Variants in RTN2 observed in about 807,000 individuals in gnomAD.
RTN2 encodes the protein reticulon 2.
In RTN2, 36 loss-of-function variants were observed where a neutral mutation model predicts 63.7. The ratio of observed to expected loss-of-function variants is 0.56; its 90% CI spans 0.43 to 0.75. The LOEUF is 0.75. Ranked by LOEUF, RTN2 falls within the 30% of genes least tolerant of loss-of-function variation. The pLI is 0.00. For synonymous variants in RTN2, 312 were observed against 313.0 expected, an observed-to-expected ratio of 1.00 and a Z score of 0.03; for missense variants, 673 against 705.1, an observed-to-expected ratio of 0.95 and a Z score of 0.52.
chr19:45,493,010 C>G, intron 5 of RTN2, 150 bp downstream of exon 5: 2 of 832,802 alleles, frequency 2.4e-6, no homozygotes, highest in Non-Finnish European at 4.0e-6. Flanking sequence ...TGGGTCCTCC[C>G]TATACTGCCC....
At chr19:45,485,919 C>T (rs990242961) in intron 10 of RTN2, 130 bp from the exon 11 acceptor site, 37 of 1,140,592 alleles carry the variant, frequency 3.2e-5, no homozygotes, top group Middle Eastern at 2.0e-4. Context: ...CACCTAGTGG[C>T]CTACATTGGA....
rs375955561 is a variant in RTN2, at chr19:45,493,265, G to A, written c.928C>T (p.Pro310Ser). ...WTAIGWVQRG[P>S]TPPTPVLRVL... is the part of the protein sequence containing the mutation. ...CGGAGGACAGGAGTAGGGGGGGTGG[G>A]GCCCCTTTGGACCCAGCCAATGGCT... is the stretch of plus-strand genomic sequence containing the variant. The change falls in exon 5 of 11, where the codon CCC (proline) becomes TCC (serine). Residue 310 changes from proline (P) to serine (S), a missense_variant. Transcript: ENST00000245923. The A allele has an allele frequency of 6.2e-5, 100 of 1,613,426 alleles. No individual in the cohort carries two copies. Among genetic ancestry groups the A allele is most frequent in the Non-Finnish European group, 8.1e-5 (95 of 1,179,902 alleles).
chr19:45,487,032 C>CTTTTT lies in RTN2; in HGVS notation c.1498-924_1498-920dup, dbSNP rs34799041. Among the ~76,000 whole-genome samples, 12 of 39,182 alleles carry CTTTTT rather than the reference C, an allele frequency of 3.1e-4. 3 individuals are homozygous for CTTTTT. The highest frequency in any genetic ancestry group is 8.5e-4 in the Admixed American group (2 of 2,366). The allele number at this position is 39,182 out of a possible 152,430, so 25.7% of individuals were successfully genotyped here. The stretch of plus-strand genomic sequence containing the variant: ...ACAAGCGTGAGCCACCATGCCCAGC[C>CTTTTT]TTTTTTTTTTTTTTTTTTTTTTTTT... On this transcript the variant is annotated intron_variant, in intron 9 of 10. Transcript: ENST00000245923.
At chr19:45,493,827 T>G (rs1968212469) in intron 4 of RTN2, 2 of 309,962 alleles carry the variant, frequency 6.5e-6, no homozygotes, top group Admixed American at 1.0e-4. Flanking sequence ...CACTGCAACC[T>G]CTGCCTTCCA....
In RTN2 at chr19:45,492,929, G is replaced by A. The variant is rs190086576; in HGVS notation, c.1033+231C>T. On this transcript the variant is annotated intron_variant, in intron 5 of 10. Coordinates refer to ENST00000245923, the MANE Select transcript of RTN2 (RefSeq NM_005619.5). ...ACAGCGCTGCCTGGGGCCGAGGCTG[G>A]GGGAGGGGGTCCTCCCTGCTCCTGG... is the stretch of plus-strand genomic sequence containing the variant. 0.011 allele frequency among the ~76,000 whole-genome samples: 1,720 copies of A among 152,296 alleles called. 12 individuals are homozygous for A. The highest frequency in any genetic ancestry group is 0.018 in the Non-Finnish European group (1,218 of 68,000).
intron 9 of RTN2, among the ~76,000 whole-genome samples, chr19:45,487,583 G>GTTTTTTTTTT (rs4031036): frequency 7.6e-5 from 8 of 105,754 alleles, no homozygotes; most frequent in Non-Finnish European, 1.1e-4. Context: ...TTATTTTTTG[G>GTTTTTTTTTT]TTTTTTTTTT....
intron 1 of RTN2, among the ~76,000 whole-genome samples, chr19:45,495,771 G>A (rs1229348683): frequency 6.6e-6 from 1 of 152,334 alleles, no homozygotes; most frequent in South Asian, 2.1e-4. Context: ...TGAGAGGTGC[G>A]AAGATATGAC....
rs761355085 is a variant in RTN2 at position 45,494,377 on chromosome 19, C to T, written c.603G>A (p.Glu201=). 5 of 1,613,940 alleles carry T rather than the reference C, an allele frequency of 3.1e-6. No homozygotes were observed. In the African/African-American group the frequency reaches 5.3e-5, roughly 17 times the overall value. The change falls in exon 4 of 11, where the codon GAG becomes GAA. Residue 201 remains glutamate (E), a synonymous_variant. Transcript: ENST00000245923. This position sits in a 1 kb window ranked among gnomAD's most constrained non-coding sequence, Gnocchi z 5.3. The part of the protein sequence containing the change: ...RLRLAQPSSP[E]VLTPQLSPGS... ...CCGGACTGAGCTGGGGAGTCAAGAC[C>T]TCGGGCGATGAGGGCTGAGCAAGTC... is the stretch of plus-strand genomic sequence containing the variant.
chr19:45,493,942 G>A (rs980705359), intron 4 of RTN2: 5 of 592,342 alleles, frequency 8.4e-6, no homozygotes, highest in South Asian at 2.0e-5. Flanking sequence ...CGCCCGCCTC[G>A]GCCTCCCAAA....
chr19:45,494,911 G>A lies in RTN2; in HGVS notation c.174C>T (p.Thr58=), dbSNP rs199928834. 1.1e-4 allele frequency: 181 copies of A among 1,613,110 alleles called. 1 individual carries two copies. The East Asian group carries it at 3.8e-3, about 34-fold the overall frequency. Residue 58 remains threonine (T), a synonymous_variant, in exon 3 of 11, where the codon ACC becomes ACT. Transcript: ENST00000245923. The surrounding 1 kb of genome is among the most constrained non-coding windows in gnomAD (Gnocchi z 5.3). ...TGTAGGAGAAGGTCAGCTCCCGGGG[G>A]GTGCCCCAGTCCTGCGACGTGGTCT... ...EEETTSQDWG[T]PRELTFSYIA... is the part of the protein sequence containing the mutation.
intron 5 of RTN2, among the ~76,000 whole-genome samples, chr19:45,490,235 C>T (rs1968124590): frequency 1.3e-5 from 2 of 151,884 alleles, no homozygotes; most frequent in Non-Finnish European, 2.9e-5. Flanking sequence ...CTCCTGACCT[C>T]GTGGTCCACC....
chr19:45,496,718 G>T, intron 1 of RTN2, 74 bp downstream of exon 1: 2 of 1,058,954 alleles, frequency 1.9e-6, no homozygotes, highest in South Asian at 2.0e-5. Flanking sequence ...GCGGGCAAGC[G>T]CCGAGGGGAC....
intron 5 of RTN2, among the ~76,000 whole-genome samples, chr19:45,490,417 CCCT>C (rs1284898522): frequency 6.6e-6 from 1 of 152,034 alleles, no homozygotes; most frequent in Non-Finnish European, 1.5e-5. Flanking sequence ...GTTTCCTAAC[CCCT>C]TCACCGCAAG....
chr19:45,493,143 C>G lies in RTN2; in HGVS notation c.1033+17G>C. On this transcript the variant is annotated intron_variant, in intron 5 of 10. Coordinates refer to ENST00000245923, the MANE Select transcript of RTN2 (RefSeq NM_005619.5). ...CCGCCGACCTCAGCCCCCGTCCAGC[C>G]CGTTCCGCAAGCCCACCTTTACTCC... 6.2e-7 allele frequency: 1 copy of G among 1,610,120 alleles called. No homozygotes were observed. The highest frequency in any genetic ancestry group is 8.5e-7 in the Non-Finnish European group (1 of 1,178,834).
chr19:45,492,732 C>A (rs1013008382), intron 5 of RTN2, among the ~76,000 whole-genome samples: 2 of 152,196 alleles, frequency 1.3e-5, no homozygotes, highest in Non-Finnish European at 2.9e-5. Context: ...CATTTACCTC[C>A]AAATAGGGCA....
At chr19:45,485,953 G>A in intron 10 of RTN2, 102 bp downstream of exon 10, 2 of 1,303,412 alleles carry the variant, frequency 1.5e-6, no homozygotes, top group Non-Finnish European at 2.2e-6. Flanking sequence ...CCTTTTCAAG[G>A]GGACATTACC....
rs1254427323 is a variant in RTN2 at position 45,496,965 on chromosome 19, C to A, written c.-140G>T. The A allele has an allele frequency of 8.2e-6, 1 of 121,472 alleles. No individual in the cohort carries two copies. The highest frequency in any genetic ancestry group is 1.5e-5 in the Non-Finnish European group (1 of 67,928). 7.5% of individuals were successfully genotyped at this position (121,472 alleles called of 1,614,324 possible). A position where few individuals can be genotyped will look rare whatever the true frequency, so the allele number is the denominator to read the frequency against. On this transcript the variant is annotated 5_prime_UTR_variant, in exon 1 of 11. Coordinates refer to ENST00000245923, the MANE Select transcript of RTN2 (RefSeq NM_005619.5). ...CCTCCTCCTCCCGGGCTGCTCCAGC[C>A]GCCGCCGCCGCCGCCGCCGCCGCCG...
Position 45,494,534 on chromosome 19 carries a change from G to T in RTN2, c.551C>A (p.Ala184Asp). 6.2e-7 allele frequency: 1 copy of T among 1,613,080 alleles called. No homozygotes were observed. Among genetic ancestry groups the T allele is most frequent in the Non-Finnish European group, 8.5e-7 (1 of 1,179,198 alleles). The change falls in exon 3 of 11, where the codon GCT becomes GAT. Residue 184 changes from alanine to aspartate, a missense_variant. Physicochemically the swap from Ala to Asp is moderately radical, Grantham distance 126. Transcript: ENST00000245923. The surrounding 1 kb of genome is among the most constrained non-coding windows in gnomAD (Gnocchi z 5.3). ...CACCTCGGACATCTCACCTTCCCCA[G>T]CTTCTCCTGTCTCCAATCTGTTGGG... ...QEPNRLETGE[A>D]GEELDLRLRL...
intron 5 of RTN2, among the ~76,000 whole-genome samples, chr19:45,492,947 G>T (rs1968191863): frequency 6.6e-6 from 1 of 152,322 alleles, no homozygotes; most frequent in Middle Eastern, 3.4e-3. Context: ...GGTCCTCCCT[G>T]CTCCTGGGCC....
Sources: gnomAD v4.1 joint callset for allele counts (sites outside exome capture counted in the v4.1 genomes callset) on GRCh38, gnomAD v4.1.1 for gene constraint, Gnocchi (gnomAD v3.1) non-coding constraint, MANE v1.5 for transcripts, NCBI Gene and HGNC (gene_info 2026-07-23, HGNC 2026-07-21) for gene names.